Variants in ST7L observed in about 807,000 individuals in gnomAD.
The protein encoded by ST7L is suppression of tumorigenicity 7 like, also known as suppressor of tumorigenicity 7 protein-like.
A neutral mutation model predicts 72.5 loss-of-function variants in ST7L; 57 were observed. The observed-to-expected ratio is 0.79, with a 90% CI of 0.64 to 0.98. The LOEUF (loss-of-function observed/expected upper bound fraction) is 0.98. ST7L is among the 50% of genes least tolerant of loss of function. The probability of loss-of-function intolerance (pLI) is 0.00; values close to 1 mark genes in which losing one functional copy is unlikely to be tolerated. For synonymous variants in ST7L, 221 were observed against 240.9 expected (o/e 0.92, Z 0.77); for missense variants, 576 against 672.2 (o/e 0.86, Z 1.58).
chr1:112,518,610 T>C (rs773277830), downstream of ST7L, among the ~76,000 whole-genome samples: 6 of 152,188 alleles, frequency 3.9e-5, no homozygotes, highest in Non-Finnish European at 7.3e-5. Context: ...AGAGGGTCAC[T>C]CTCTGGATAC....
chr1:112,540,294 C>A, intron 14 of ST7L: 10 of 985,432 alleles, frequency 1.0e-5, no homozygotes, highest in Non-Finnish European at 1.2e-5. Context: ...TACACAGTTG[C>A]ACATTTTCTT....
chr1:112,553,739 C>G lies in ST7L; in HGVS notation c.1396+2129G>C, dbSNP rs374836958. On this transcript the variant is annotated intron_variant, in intron 12 of 14. Coordinates refer to ENST00000358039, the MANE Select transcript of ST7L (RefSeq NM_017744.5). ...ATTTTTGTGTGGTACTTCTTTTAAT[C>G]AGAGCAACTAACAAAACTCCAGCTT... 3.9e-5 allele frequency among the ~76,000 whole-genome samples: 6 copies of G among 152,110 alleles called. No homozygotes were observed. The East Asian group carries it at 7.7e-4, about 20-fold the overall frequency.
intron 14 of ST7L, 188 bp downstream of exon 14, chr1:112,541,763 A>C: frequency 7.7e-7 from 1 of 1,307,188 alleles, no homozygotes; most frequent in African/African-American, 1.5e-5. Context: ...ACTTTTAAGC[A>C]ACAGAAGTAG....
At chr1:112,527,020 C>G (rs988535972) in intron 14 of ST7L, 4 of 152,242 alleles carry the variant, frequency 2.6e-5, no homozygotes, top group Admixed American at 2.6e-4. Flanking sequence ...CAAACACTTG[C>G]TGCTCTCAAC....
chr1:112,537,069 C>T (rs1470469990), intron 14 of ST7L, among the ~76,000 whole-genome samples: 2 of 151,936 alleles, frequency 1.3e-5, no homozygotes, highest in Non-Finnish European at 2.9e-5. Flanking sequence ...GATCTCGGCT[C>T]ACTGCAACTT....
At chr1:112,578,266 T>C (rs1663467737) in intron 10 of ST7L, 79 bp downstream of exon 10, 1 of 1,316,632 alleles carries the variant, frequency 7.6e-7, no homozygotes, top group Non-Finnish European at 1.1e-6. Context: ...AAAACAGCAT[T>C]GTTTAAAGTC....
intron 13 of ST7L, among the ~76,000 whole-genome samples, chr1:112,546,739 T>C (rs1657147999): frequency 1.3e-5 from 2 of 152,166 alleles, no homozygotes; most frequent in Non-Finnish European, 2.9e-5. Flanking sequence ...AACAAATTAC[T>C]ATTTATATTT....
chr1:112,540,762 T>C (rs1655968220), intron 14 of ST7L: 1 of 1,267,774 alleles, frequency 7.9e-7, no homozygotes, highest in Non-Finnish European at 1.0e-6. Context: ...TAGAGAAAAA[T>C]ACAGAAAATA....
chr1:112,612,273 T>C lies in ST7L; in HGVS notation c.289-1270A>G, dbSNP rs910920690. On this transcript the variant is annotated intron_variant, in intron 2 of 14. Coordinates refer to ENST00000358039, the MANE Select transcript of ST7L (RefSeq NM_017744.5). Reference sequence around the variant, plus strand: ...CCACCATGCCCAGCTAATTTTTATGTTTTTTGTAGGGACAAGGTTTTGCCA... The same window carrying C: ...CCACCATGCCCAGCTAATTTTTATGCTTTTTGTAGGGACAAGGTTTTGCCA... 2.6e-5 allele frequency among the ~76,000 whole-genome samples: 4 copies of C among 152,000 alleles called. No individual in the cohort carries two copies. In the South Asian group the frequency reaches 8.3e-4, roughly 32 times the overall value.
chr1:112,538,980 T>C (rs1655653536), intron 14 of ST7L, among the ~76,000 whole-genome samples: 1 of 152,196 alleles, frequency 6.6e-6, no homozygotes, highest in Non-Finnish European at 1.5e-5. Flanking sequence ...TACAGCATTG[T>C]TTCAGGGCTA....
intron 11 of ST7L, among the ~76,000 whole-genome samples, chr1:112,569,523 G>A (rs1290414878): frequency 1.3e-5 from 2 of 152,184 alleles, no homozygotes; most frequent in African/African-American, 2.4e-5. Flanking sequence ...TGGTTGTGAG[G>A]GACTGGGGGG....
chr1:112,606,767 G>A (rs1195176848), intron 3 of ST7L, among the ~76,000 whole-genome samples: 1 of 152,156 alleles, frequency 6.6e-6, no homozygotes, highest in Non-Finnish European at 1.5e-5. Flanking sequence ...TCTGGTGAGG[G>A]CTCTCCTCCT....
chr1:112,596,382 C>T (rs1666483610), intron 5 of ST7L, among the ~76,000 whole-genome samples: 1 of 152,126 alleles, frequency 6.6e-6, no homozygotes, highest in South Asian at 2.1e-4. Context: ...TGGTTAACAG[C>T]CAGTCTTGAG....
chr1:112,596,107 G>A lies in ST7L; in HGVS notation c.622+1864C>T, dbSNP rs1019949373. On this transcript the variant is annotated intron_variant, in intron 5 of 14. Transcript: ENST00000358039. ...AGTTAACATACAGTACTGATACTGTGCTGCTGTTATTTCCCCAACACCTAT... is the reference window on the plus strand; with the variant it reads ...AGTTAACATACAGTACTGATACTGTACTGCTGTTATTTCCCCAACACCTAT... Among the ~76,000 whole-genome samples the A allele has an allele frequency of 2.0e-5, 3 of 152,126 alleles. No homozygotes were observed. In the South Asian group the frequency reaches 6.2e-4, roughly 32 times the overall value.
chr1:112,542,145 G>C (rs1386405564), intron 13 of ST7L, 55 bp from the exon 14 acceptor site: 2 of 1,431,578 alleles, frequency 1.4e-6, no homozygotes, highest in African/African-American at 2.9e-5. Context: ...ATGTAAACAA[G>C]TCTTAATCTT....
intron 4 of ST7L, among the ~76,000 whole-genome samples, chr1:112,599,108 A>G (rs1666991744): frequency 1.3e-5 from 1 of 79,264 alleles, no homozygotes; most frequent in South Asian, 3.4e-4. Context: ...ATATATATAT[A>G]TATGTGGATG....
chr1:112,582,258 T>C, intron 8 of ST7L, 117 bp downstream of exon 8: 2 of 912,290 alleles, frequency 2.2e-6, no homozygotes, highest in Non-Finnish European at 3.3e-6. Flanking sequence ...ATAAATACCT[T>C]GTTCTAAAAA....
chr1:112,610,008 A>T (rs1293756366), intron 3 of ST7L, among the ~76,000 whole-genome samples: 1 of 151,992 alleles, frequency 6.6e-6, no homozygotes. Flanking sequence ...TCTCTCCTTT[A>T]TTAGTCATAA....
chr1:112,542,821 G>C (rs1332812167), intron 13 of ST7L, among the ~76,000 whole-genome samples: 1 of 151,042 alleles, frequency 6.6e-6, no homozygotes, highest in Non-Finnish European at 1.5e-5. Context: ...TTTTGAAGAA[G>C]AAGAGTCTCG....
Sources: gnomAD v4.1 joint callset for allele counts (sites outside exome capture counted in the v4.1 genomes callset) on GRCh38, gnomAD v4.1.1 for gene constraint, MANE v1.5 for transcripts, NCBI Gene and HGNC (gene_info 2026-07-23, HGNC 2026-07-21) for gene names.